Variants in BCO1 observed in about 807,000 individuals in gnomAD.
The protein encoded by BCO1 is beta,beta-carotene 15,15'-dioxygenase.
In BCO1, 54 loss-of-function variants were observed where a neutral mutation model predicts 56.3. That is an observed-to-expected ratio of 0.96 (90% CI 0.77 to 1.20). The LOEUF (loss-of-function observed/expected upper bound fraction) is 1.20, where lower values mean the gene tolerates loss of function less well. Among genes scored for constraint, BCO1 ranks in the 50% most tolerant of loss-of-function variants. The pLI is 0.00. For synonymous variants in BCO1, 318 were observed against 266.1 expected, an observed-to-expected ratio of 1.20 and a Z score of -1.90; for missense variants, 801 against 690.9, an observed-to-expected ratio of 1.16 and a Z score of -1.79.
chr16:81,267,805 GT>G (rs1906920852), intron 5 of BCO1, 102 bp from the exon 6 acceptor site: 8 of 989,874 alleles, frequency 8.1e-6, no homozygotes, highest in South Asian at 1.3e-5. Flanking sequence ...TAATGTAAAG[GT>G]TTTTTTCAGC....
chr16:81,274,324 C>T (rs374660335), intron 7 of BCO1, among the ~76,000 whole-genome samples: 5 of 135,398 alleles, frequency 3.7e-5, no homozygotes, highest in African/African-American at 8.6e-5. Flanking sequence ...AGTGCAGTGG[C>T]GTGATCTCGG....
rs1173240509 is a variant in BCO1 at position 81,285,534 on chromosome 16, T to A, written c.1208-6T>A. 3.1e-6 allele frequency: 5 copies of A among 1,606,520 alleles called. No homozygotes were observed. In the South Asian group the frequency reaches 5.5e-5, roughly 18 times the overall value. ...GGGCTTCATCCACCTCCTCATTTCC[T>A]TGTAGGCTTAGAGCTTCCACGGGTC... On this transcript the variant is annotated splice_polypyrimidine_tract_variant and splice_region_variant and intron_variant, in intron 8 of 10. Coordinates refer to ENST00000258168, the MANE Select transcript of BCO1 (RefSeq NM_017429.3).
chr16:81,286,388 C>T (rs190745656), intron 9 of BCO1, among the ~76,000 whole-genome samples: 1 of 152,126 alleles, frequency 6.6e-6, no homozygotes, highest in Admixed American at 6.6e-5. Flanking sequence ...AGCCACTCTC[C>T]ACTAATCCCA....
intron 10 of BCO1, among the ~76,000 whole-genome samples, chr16:81,288,324 A>T (rs546008300): frequency 2.3e-3 from 346 of 152,288 alleles, no homozygotes; most frequent in Non-Finnish European, 4.3e-3. Context: ...GTGTAGTGGC[A>T]TGATCATAGC....
intron 1 of BCO1, among the ~76,000 whole-genome samples, chr16:81,239,835 C>G (rs1019406720): frequency 3.3e-5 from 5 of 152,088 alleles, no homozygotes; most frequent in Non-Finnish European, 1.5e-5. Flanking sequence ...TTGCCACTTT[C>G]CTGGTACCAT....
chr16:81,243,454 A>ATCATTCAC (rs1555553072), intron 1 of BCO1, among the ~76,000 whole-genome samples: 1 of 150,890 alleles, frequency 6.6e-6, no homozygotes, highest in Non-Finnish European at 1.5e-5. Flanking sequence ...CCTGGTCTTG[A>ATCATTCAC]TCATTCATTC....
At chr16:81,249,948 G>A (rs1276090005) in intron 2 of BCO1, among the ~76,000 whole-genome samples, 4 of 152,162 alleles carry the variant, frequency 2.6e-5, no homozygotes, top group South Asian at 2.1e-4. Flanking sequence ...CCAGAGGGGC[G>A]CTTGGAAACT....
Position 81,244,137 on chromosome 16 carries a change from G to T in BCO1, c.65-1338G>T, listed in dbSNP as rs147932077. The stretch of plus-strand genomic sequence containing the variant: ...CCCGCAGTCAGAACCAAGCACTCAG[G>T]CAGGGAGCTGCAGGCATTTGCAGAA... On this transcript the variant is annotated intron_variant, in intron 1 of 10. Coordinates refer to ENST00000258168, the MANE Select transcript of BCO1 (RefSeq NM_017429.3). 4.6e-3 allele frequency among the ~76,000 whole-genome samples: 704 copies of T among 152,346 alleles called. 5 individuals carry two copies. Among genetic ancestry groups the T allele is most frequent in the African/African-American group, 0.016 (665 of 41,588 alleles).
chr16:81,250,273 C>T (rs548362741), intron 2 of BCO1, among the ~76,000 whole-genome samples: 2 of 152,156 alleles, frequency 1.3e-5, no homozygotes, highest in African/African-American at 4.8e-5. Context: ...AAGTCCTAAC[C>T]ATTGTGCAAT....
At chr16:81,253,119 A>G (rs1395547610) in intron 2 of BCO1, among the ~76,000 whole-genome samples, 1 of 152,052 alleles carries the variant, frequency 6.6e-6, no homozygotes, top group Non-Finnish European at 1.5e-5. Flanking sequence ...AAATATAAAA[A>G]ATAAAGATAA....
In BCO1 at chr16:81,290,325, G is replaced by GT. The variant is rs760407676; in HGVS notation, c.1415-15dup. The GT allele has an allele frequency of 4.9e-5, 77 of 1,583,662 alleles. No individual in the cohort carries two copies. In the Middle Eastern group the frequency reaches 5.0e-4, roughly 10 times the overall value. On this transcript the variant is annotated intron_variant, in intron 10 of 10. Coordinates refer to ENST00000258168, the MANE Select transcript of BCO1 (RefSeq NM_017429.3). ...ACTGAAGCCTGCACTTTTACGAAGT[G>GT]TTTTTTTTCTGTTTCCCTAAAGGAG...
chr16:81,262,789 T>A (rs1906569268), intron 4 of BCO1: 1 of 194,668 alleles, frequency 5.1e-6, no homozygotes, highest in African/African-American at 2.5e-5. Context: ...ATTGCACCAC[T>A]GCACTCCAGC....
chr16:81,289,175 C>T (rs184818542), intron 10 of BCO1, among the ~76,000 whole-genome samples: 12 of 152,330 alleles, frequency 7.9e-5, no homozygotes, highest in African/African-American at 2.6e-4. Flanking sequence ...ACTGCTCTTC[C>T]ACCTGGGACC....
At chr16:81,283,224 C>T (rs757319507) in intron 8 of BCO1, among the ~76,000 whole-genome samples, 46 of 152,008 alleles carry the variant, frequency 3.0e-4, no homozygotes, top group Admixed American at 2.0e-4. Context: ...TGTTAAGGAC[C>T]GGGCATGGTG....
chr16:81,259,394 TGA>T (rs1906340740), intron 2 of BCO1, among the ~76,000 whole-genome samples: 1 of 152,086 alleles, frequency 6.6e-6, no homozygotes, highest in Non-Finnish European at 1.5e-5. Flanking sequence ...CTCAGGAGGC[TGA>T]GTCAGGAGAA....
chr16:81,252,533 G>A lies in BCO1; in HGVS notation c.193+6930G>A, dbSNP rs573795026. Among the ~76,000 whole-genome samples, 4 of 152,304 alleles carry A rather than the reference G, an allele frequency of 2.6e-5. No individual in the cohort carries two copies. In the East Asian group the frequency reaches 5.8e-4, roughly 22 times the overall value. On this transcript the variant is annotated intron_variant, in intron 2 of 10. Transcript: ENST00000258168. ...GGCCTCCCAAAGTGCTGGGATTATA[G>A]GCGTGAGCCACAGCACCCAGCCAAT...
In BCO1 at chr16:81,264,657, C is replaced by T. The variant is rs759049294; in HGVS notation, c.489C>T (p.Tyr163=). 98 of 1,613,956 alleles carry T rather than the reference C, an allele frequency of 6.1e-5. No individual in the cohort carries two copies. The highest frequency in any genetic ancestry group is 1.6e-4 in the Middle Eastern group (1 of 6,084). ...ETLEKVDYRK[Y]VAVNLATSHP... ...TCTTGCAGGTTGATTATCGTAAATA[C>T]GTGGCGGTAAATCTGGCAACGTCAC... The change falls in exon 5 of 11, where the codon TAC becomes TAT. Residue 163 remains tyrosine (Y), a synonymous_variant. Coordinates refer to ENST00000258168, the MANE Select transcript of BCO1 (RefSeq NM_017429.3).
In BCO1 at chr16:81,290,333, T is replaced by C. The variant is rs1908392763; in HGVS notation, c.1415-15T>C. Reference sequence around the variant, plus strand: ...CTGCACTTTTACGAAGTGTTTTTTTTCTGTTTCCCTAAAGGAGTAATCTTA... The same window carrying C: ...CTGCACTTTTACGAAGTGTTTTTTTCCTGTTTCCCTAAAGGAGTAATCTTA... On this transcript the variant is annotated splice_polypyrimidine_tract_variant and intron_variant, in intron 10 of 10. Coordinates refer to ENST00000258168, the MANE Select transcript of BCO1 (RefSeq NM_017429.3). The C allele has an allele frequency of 1.2e-6, 2 of 1,604,418 alleles. No individual in the cohort carries two copies. Among genetic ancestry groups the C allele is most frequent in the Non-Finnish European group, 8.5e-7 (1 of 1,171,158 alleles).
chr16:81,265,600 TCATC>T (rs1216680773), intron 5 of BCO1, among the ~76,000 whole-genome samples: 2 of 120,488 alleles, frequency 1.7e-5, no homozygotes, highest in Non-Finnish European at 3.5e-5. Flanking sequence ...CATCCATCAT[TCATC>T]CATCCATCCA....
Sources: gnomAD v4.1 joint callset for allele counts (sites outside exome capture counted in the v4.1 genomes callset) on GRCh38, gnomAD v4.1.1 for gene constraint, MANE v1.5 for transcripts, NCBI Gene and HGNC (gene_info 2026-07-23, HGNC 2026-07-21) for gene names.